The following ARHGEF18 variants were observed in gnomAD, a reference collection of about 807,000 sequenced individuals.
The protein encoded by ARHGEF18 is rho guanine nucleotide exchange factor 18.
In ARHGEF18, 93 loss-of-function variants were observed where a neutral mutation model predicts 155.7. The ratio of observed to expected loss-of-function variants is 0.60; its 90% CI spans 0.50 to 0.71. The LOEUF is 0.71. ARHGEF18 is among the 30% of genes least tolerant of loss of function. ARHGEF18 has a pLI of 0.00. For missense variants in ARHGEF18, 1,593 were observed against 1,816.1 expected, an observed-to-expected ratio of 0.88 and a Z score of 2.23; for synonymous variants, 742 against 753.1, an observed-to-expected ratio of 0.99 and a Z score of 0.24.
At chr19:7,429,598 G>A (rs1409615666) in intron 10 of ARHGEF18, among the ~76,000 whole-genome samples, 3 of 152,060 alleles carry the variant, frequency 2.0e-5, no homozygotes, top group Non-Finnish European at 4.4e-5. Flanking sequence ...GTGAGACTCC[G>A]TCTCAAAAAT....
chr19:7,409,824 C>T (rs1972566900), intron 10 of ARHGEF18, among the ~76,000 whole-genome samples: 1 of 138,064 alleles, frequency 7.2e-6, no homozygotes, highest in Admixed American at 7.8e-5. Context: ...GGCTGGAGTG[C>T]AGTGGTGCAA....
At chr19:7,378,592 A>AAC in intron 6 of ARHGEF18, 141 bp downstream of exon 6, 1 of 600,834 alleles carries the variant, frequency 1.7e-6, no homozygotes, top group Non-Finnish European at 2.4e-6. Context: ...GTCCCCCCAT[A>AAC]ACCTCATCTT....
At chr19:7,422,645 C>T (rs1033691684) in intron 10 of ARHGEF18, among the ~76,000 whole-genome samples, 7 of 151,948 alleles carry the variant, frequency 4.6e-5, no homozygotes, top group African/African-American at 1.5e-4. Context: ...ATCACCTGGG[C>T]TCCTCTGGAC....
rs1568338442 is a variant in ARHGEF18, at chr19:7,442,042, T to C, written c.1350T>C (p.Asp450=). 6.2e-7 allele frequency: 1 copy of C among 1,614,050 alleles called. No individual in the cohort carries two copies. The highest frequency in any genetic ancestry group is 1.3e-5 in the African/African-American group (1 of 75,036). ...KQKREVVKRQ[D]VLYELMQTEV... is the part of the protein sequence containing the mutation. ...AGAGGGAGGTGGTGAAAAGACAAGA[T>C]GTCCTTTATGGTGAGGAGTCCACAG... Residue 450 remains aspartate, a synonymous_variant, in exon 13 of 29, where the codon GAT becomes GAC. Coordinates refer to ENST00000668164, the MANE Select transcript of ARHGEF18 (RefSeq NM_001367823.1).
At chr19:7,433,507 C>CAAAA (rs35825715) in intron 10 of ARHGEF18, among the ~76,000 whole-genome samples, 57 of 58,276 alleles carry the variant, frequency 9.8e-4, no homozygotes, top group East Asian at 1.9e-3. Context: ...ACTCCGTCTC[C>CAAAA]AAAAAAAAAA....
At chr19:7,442,793 C>T (rs572303743) in intron 13 of ARHGEF18, among the ~76,000 whole-genome samples, 4 of 152,306 alleles carry the variant, frequency 2.6e-5, no homozygotes, top group African/African-American at 4.8e-5. Context: ...AAGACCAAGG[C>T]GGCGGCAGAC....
rs996522291 is a variant in ARHGEF18 at position 7,470,498 on chromosome 19, G to C, written c.*200G>C. 2.2e-6 allele frequency: 1 copy of C among 448,688 alleles called. No homozygotes were observed. Among genetic ancestry groups the C allele is most frequent in the African/African-American group, 2.0e-5 (1 of 49,494 alleles). The allele number at this position is 448,688 out of a possible 1,614,324, so 27.8% of individuals were successfully genotyped here. Reference sequence around the variant, plus strand: ...TTCTGTAGGGTTAGCGGTGGTGCCGGGGTCACTTTCTGAATCTCTTTTTTT... The same window carrying C: ...TTCTGTAGGGTTAGCGGTGGTGCCGCGGTCACTTTCTGAATCTCTTTTTTT... On this transcript the variant is annotated 3_prime_UTR_variant, in exon 29 of 29. Transcript: ENST00000668164. This position sits in a 1 kb window ranked among gnomAD's most constrained non-coding sequence, Gnocchi z 5.9.
At chr19:7,425,622 C>T (rs1973615772) in intron 10 of ARHGEF18, among the ~76,000 whole-genome samples, 2 of 148,764 alleles carry the variant, frequency 1.3e-5, no homozygotes, top group Non-Finnish European at 3.0e-5. Context: ...GTGGACGTTG[C>T]AGTGAGCTGA....
intron 10 of ARHGEF18, among the ~76,000 whole-genome samples, chr19:7,421,966 C>G (rs1973373461): frequency 6.6e-6 from 1 of 152,076 alleles, no homozygotes; most frequent in Non-Finnish European, 1.5e-5. Flanking sequence ...AACCAGACAT[C>G]TTCGTCATCC....
intron 10 of ARHGEF18, among the ~76,000 whole-genome samples, chr19:7,408,735 T>TC (rs538029047): frequency 1.4e-3 from 216 of 151,916 alleles, no homozygotes; most frequent in African/African-American, 4.9e-3. Flanking sequence ...AGAGTTTGAG[T>TC]CCCCCCAGAT....
intron 10 of ARHGEF18, among the ~76,000 whole-genome samples, chr19:7,413,294 CTT>C (rs71179106): frequency 5.1e-4 from 70 of 138,266 alleles, no homozygotes; most frequent in South Asian, 6.8e-4. Flanking sequence ...AAACAAAAAG[CTT>C]TTTTTTTTTT....
chr19:7,476,225 C>A (rs897432869), downstream of ARHGEF18, among the ~76,000 whole-genome samples: 1 of 152,220 alleles, frequency 6.6e-6, no homozygotes, highest in Non-Finnish European at 1.5e-5. Context: ...GTAGGAGGAT[C>A]CCTTGAGCCC....
At chr19:7,428,454 G>A (rs546665725) in intron 10 of ARHGEF18, among the ~76,000 whole-genome samples, 1 of 152,164 alleles carries the variant, frequency 6.6e-6, no homozygotes, top group African/African-American at 2.4e-5. Context: ...GTGCAGTGGT[G>A]CGATCATAGC....
At chr19:7,357,855 G>T (rs1457791748) in intron 1 of ARHGEF18, among the ~76,000 whole-genome samples, 1 of 152,038 alleles carries the variant, frequency 6.6e-6, no homozygotes, top group South Asian at 2.1e-4. Flanking sequence ...TACCCATTCT[G>T]CTCATGCTTT....
rs1969957790 is a variant in ARHGEF18 at position 7,367,759 on chromosome 19, A to ATATATATATATATACACATATATATATTT, written c.15+4867_15+4895dup. 1.7e-4 allele frequency among the ~76,000 whole-genome samples: 4 copies of ATATATATATATATACACATATATATATTT among 24,010 alleles called. 2 individuals are homozygous for ATATATATATATATACACATATATATATTT. Among genetic ancestry groups the ATATATATATATATACACATATATATATTT allele is most frequent in the African/African-American group, 4.2e-4 (2 of 4,748 alleles). The allele number at this position is 24,010 out of a possible 152,430, so 15.8% of individuals were successfully genotyped here. ...GAAACTCCATCTCAAAAAAAAAAAA[A>ATATATATATATATACACATATATATATTT]TATATATATATATACACATATATAT... On this transcript the variant is annotated intron_variant, in intron 2 of 28. Coordinates refer to ENST00000668164, the MANE Select transcript of ARHGEF18 (RefSeq NM_001367823.1).
At chr19:7,372,433 A>G (rs1339523576) in intron 2 of ARHGEF18, among the ~76,000 whole-genome samples, 1 of 151,606 alleles carries the variant, frequency 6.6e-6, no homozygotes, top group Non-Finnish European at 1.5e-5. Context: ...AAAAGAAGGG[A>G]AGGACAAAGA....
intron 17 of ARHGEF18, among the ~76,000 whole-genome samples, chr19:7,454,418 G>A (rs552622470): frequency 6.6e-6 from 1 of 151,866 alleles, no homozygotes; most frequent in Admixed American, 6.6e-5. Flanking sequence ...GCATCATCTT[G>A]ATCAGTGGGC....
intron 17 of ARHGEF18, 62 bp from the exon 18 acceptor site, chr19:7,456,265 G>A: frequency 6.8e-7 from 1 of 1,475,332 alleles, no homozygotes; most frequent in South Asian, 1.1e-5. Context: ...CCGCGGGGGT[G>A]GCCAGCAAGA....
At chr19:7,407,318 C>T (rs1385925503) in intron 10 of ARHGEF18, among the ~76,000 whole-genome samples, 1 of 149,278 alleles carries the variant, frequency 6.7e-6, no homozygotes, top group Non-Finnish European at 1.5e-5. Context: ...CCCAGCTACT[C>T]AGGAGGCTGA....
Sources: gnomAD v4.1 joint callset for allele counts (sites outside exome capture counted in the v4.1 genomes callset) on GRCh38, gnomAD v4.1.1 for gene constraint, Gnocchi (gnomAD v3.1) non-coding constraint, MANE v1.5 for transcripts, NCBI Gene and HGNC (gene_info 2026-07-23, HGNC 2026-07-21) for gene names.